The following MAP3K20 variants were observed in gnomAD, a reference collection of about 807,000 sequenced individuals.
MAP3K20 encodes the protein HCCS-4.
A neutral mutation model predicts 85.7 loss-of-function variants in MAP3K20; 40 were observed. The ratio of observed to expected loss-of-function variants is 0.47; its 90% CI spans 0.36 to 0.61. The LOEUF is 0.61. Among genes scored for constraint, MAP3K20 ranks in the 20% least tolerant of loss-of-function variants. The pLI is 0.00. For synonymous variants in MAP3K20, 325 were observed against 327.7 expected, an observed-to-expected ratio of 0.99 and a Z score of 0.09; for missense variants, 817 against 961.7, an observed-to-expected ratio of 0.85 and a Z score of 1.99.
chr2:173,206,471 G>C (rs1024237911), intron 9 of MAP3K20, among the ~76,000 whole-genome samples: 2 of 152,106 alleles, frequency 1.3e-5, no homozygotes, highest in African/African-American at 4.8e-5. Context: ...TTATATACCT[G>C]GCCACGGCCC....
chr2:173,091,320 T>C, intron 2 of MAP3K20, 130 bp downstream of exon 2: 1 of 867,764 alleles, frequency 1.2e-6, no homozygotes, highest in Middle Eastern at 3.4e-4. Context: ...CGAGGCCGTT[T>C]CCCAATTTCC....
chr2:173,116,421 C>A (rs1385609559), intron 2 of MAP3K20, among the ~76,000 whole-genome samples: 1 of 152,208 alleles, frequency 6.6e-6, no homozygotes, highest in Non-Finnish European at 1.5e-5. Context: ...CATCTCCCTG[C>A]ATTCCCTAAA....
chr2:173,226,710 A>C (rs1394072282), intron 11 of MAP3K20: 59 of 985,712 alleles, frequency 6.0e-5, no homozygotes, highest in Non-Finnish European at 7.0e-5. Context: ...TAATTATTTT[A>C]TATTGTGTGC....
chr2:173,096,614 A>G (rs1687469781), intron 2 of MAP3K20, among the ~76,000 whole-genome samples: 1 of 152,178 alleles, frequency 6.6e-6, no homozygotes. Context: ...CTGGGATTAC[A>G]GGCGTGAGCC....
At position 173,187,545 on chromosome 2, in the gene MAP3K20, C is replaced by G; in HGVS notation, c.350-13C>G. 6.3e-7 allele frequency: 1 copy of G among 1,589,472 alleles called. No individual in the cohort carries two copies. Among genetic ancestry groups the G allele is most frequent in the South Asian group, 1.2e-5 (1 of 85,782 alleles). Reference sequence around the variant, plus strand: ...AAATATTAATAGGCCTTTATTTCTTCTTGTGTGAAAAGGAATGCATTATTT... The same window carrying G: ...AAATATTAATAGGCCTTTATTTCTTGTTGTGTGAAAAGGAATGCATTATTT... On this transcript the variant is annotated splice_polypyrimidine_tract_variant and intron_variant, in intron 4 of 19. Transcript: ENST00000375213.
chr2:173,093,903 A>G (rs1282011399), intron 2 of MAP3K20, among the ~76,000 whole-genome samples: 3 of 149,080 alleles, frequency 2.0e-5, no homozygotes, highest in African/African-American at 7.4e-5. Context: ...AAAACCAAAC[A>G]CCACATATTC....
At chr2:173,163,144 T>G (rs1689714034) in intron 2 of MAP3K20, among the ~76,000 whole-genome samples, 1 of 152,220 alleles carries the variant, frequency 6.6e-6, no homozygotes, top group Non-Finnish European at 1.5e-5. Context: ...AACTTTTAGG[T>G]TTAGGGGTAC....
chr2:173,085,784 A>ATTTTTTTTTTTTTTT (rs61431056), intron 1 of MAP3K20, among the ~76,000 whole-genome samples: 3 of 73,758 alleles, frequency 4.1e-5, no homozygotes, highest in African/African-American at 1.1e-4. Context: ...TGTAAAAGCA[A>ATTTTTTTTTTTTTTT]TTTTTTTTTT....
chr2:173,192,575 A>T (rs372428547), intron 7 of MAP3K20, among the ~76,000 whole-genome samples: 17 of 152,316 alleles, frequency 1.1e-4, no homozygotes, highest in East Asian at 5.8e-4. Flanking sequence ...TGAAGACTAT[A>T]AGCTATTACA....
At chr2:173,134,409 TATATATATATATATATATA>T (rs1207595533) in intron 2 of MAP3K20, among the ~76,000 whole-genome samples, 2 of 9,732 alleles carry the variant, frequency 2.1e-4, no homozygotes, top group Non-Finnish European at 5.7e-4. Context: ...TATATATATA[TATATATATATATATATATA>T]TTTTTTTTTT....
rs377187010 is a variant in MAP3K20, at chr2:173,236,452, G to A, written c.1204-1921G>A. 7.2e-5 allele frequency among the ~76,000 whole-genome samples: 11 copies of A among 152,132 alleles called. No homozygotes were observed. In the East Asian group the frequency reaches 2.1e-3, roughly 29 times the overall value. ...TTCTCTTTTTATGACCTCTGCAGAG[G>A]GTCTGCCCAGAGCTCCAAATGAAGG... On this transcript the variant is annotated intron_variant, in intron 14 of 19. Coordinates refer to ENST00000375213, the MANE Select transcript of MAP3K20 (RefSeq NM_016653.3).
chr2:173,198,175 G>T lies in MAP3K20; in HGVS notation c.669+63G>T. The T allele has an allele frequency of 1.4e-6, 2 of 1,434,806 alleles. No homozygotes were observed. The highest frequency in any genetic ancestry group is 1.9e-6 in the Non-Finnish European group (2 of 1,041,240). The allele number at this position is 1,434,806 out of a possible 1,614,324, so 88.9% of individuals were successfully genotyped here. On this transcript the variant is annotated intron_variant, in intron 8 of 19. Transcript: ENST00000375213. This position sits in a 1 kb window ranked among gnomAD's most constrained non-coding sequence, Gnocchi z 5.8. ...AAAACAGTATTGGGGTTTTGCAAAA[G>T]ACTTTTTCATCTTCTTCAAATTGAA...
intron 11 of MAP3K20, among the ~76,000 whole-genome samples, chr2:173,220,051 G>A (rs1196557705): frequency 2.9e-5 from 3 of 103,772 alleles, no homozygotes. Flanking sequence ...CTGGGCAACA[G>A]TGCTAGACTC....
intron 2 of MAP3K20, among the ~76,000 whole-genome samples, chr2:173,164,819 C>T (rs1037248437): frequency 3.3e-5 from 5 of 152,134 alleles, no homozygotes; most frequent in Admixed American, 2.6e-4. Flanking sequence ...GTGTGTTAGT[C>T]GATGTCTGGA....
At chr2:173,077,890 T>G (rs886837486) in intron 1 of MAP3K20, among the ~76,000 whole-genome samples, 2 of 152,236 alleles carry the variant, frequency 1.3e-5, no homozygotes, top group African/African-American at 4.8e-5. Flanking sequence ...TAAGGAAACT[T>G]GGCAAGTTGC....
chr2:173,224,574 C>T (rs1684335516), intron 11 of MAP3K20: 1 of 984,700 alleles, frequency 1.0e-6, no homozygotes, highest in African/African-American at 1.7e-5. Flanking sequence ...GCTCATTACT[C>T]TACCACCAAG....
intron 1 of MAP3K20, among the ~76,000 whole-genome samples, chr2:173,082,116 C>G (rs1687030426): frequency 6.6e-6 from 1 of 152,122 alleles, no homozygotes; most frequent in Non-Finnish European, 1.5e-5. Flanking sequence ...ATCCTCCCAC[C>G]TCAGTCTCTT....
chr2:173,099,209 A>G (rs148401621), intron 2 of MAP3K20, among the ~76,000 whole-genome samples: 2 of 151,980 alleles, frequency 1.3e-5, no homozygotes, highest in East Asian at 1.9e-4. Flanking sequence ...CCTCAGGCCA[A>G]TACTTTCAAA....
intron 2 of MAP3K20, among the ~76,000 whole-genome samples, chr2:173,165,384 T>C (rs1404445357): frequency 3.3e-5 from 5 of 152,170 alleles, no homozygotes; most frequent in Admixed American, 3.3e-4. Flanking sequence ...ACCACTGTAC[T>C]CCAGCCTGGG....
Sources: allele counts gnomAD v4.1 joint callset (sites outside exome capture counted in the v4.1 genomes callset), GRCh38; gene constraint gnomAD v4.1.1; non-coding constraint Gnocchi (gnomAD v3.1); transcripts MANE v1.5; gene names NCBI Gene and HGNC (gene_info 2026-07-23, HGNC 2026-07-21).